NADK: variants seen among roughly 807,000 people sequenced by gnomAD.
The protein encoded by NADK is NAD kinase.
In NADK, 22 loss-of-function variants were observed where a neutral mutation model predicts 49.8. That is an observed-to-expected ratio of 0.44 (90% CI 0.32 to 0.63). The LOEUF is 0.63. Among genes scored for constraint, NADK ranks in the 30% least tolerant of loss-of-function variants. The pLI, the probability that NADK is intolerant of heterozygous loss-of-function variation, is 0.06. For missense variants in NADK, 438 were observed against 609.4 expected, an observed-to-expected ratio of 0.72 and a Z score of 2.96; for synonymous variants, 268 against 253.7, an observed-to-expected ratio of 1.06 and a Z score of -0.54.
intron 1 of NADK, among the ~76,000 whole-genome samples, chr1:1,775,481 AG>A (rs1646185645): frequency 6.6e-6 from 1 of 152,254 alleles, no homozygotes; most frequent in African/African-American, 2.4e-5. Flanking sequence ...GCACACTGGC[AG>A]TATACAAACT....
chr1:1,775,672 C>T (rs909129755), intron 1 of NADK, among the ~76,000 whole-genome samples: 8 of 152,324 alleles, frequency 5.3e-5, no homozygotes, highest in African/African-American at 1.9e-4. Flanking sequence ...GGCCAGGCAT[C>T]ACCTCCCTCT....
chr1:1,778,177 G>A lies in NADK; in HGVS notation c.-41+112C>T, dbSNP rs1009239299. The A allele has an allele frequency of 1.3e-5, 2 of 152,274 alleles. No individual in the cohort carries two copies. Among genetic ancestry groups the A allele is most frequent in the African/African-American group, 4.8e-5 (2 of 41,466 alleles). The allele number at this position is 152,274 out of a possible 1,614,324, so 9.4% of individuals were successfully genotyped here. On this transcript the variant is annotated intron_variant, in intron 1 of 11. Coordinates refer to ENST00000341426, the MANE Select transcript of NADK (RefSeq NM_023018.5). This position sits in a 1 kb window ranked among gnomAD's most constrained non-coding sequence, Gnocchi z 4.9. ...CTTCCACGGCCTCCTCAGCAGGCCA[G>A]ATGGGCAGGGCCGGCCTGGTGTCTC...
At chr1:1,759,861 G>A (rs920518107) in intron 3 of NADK, 7 of 1,550,670 alleles carry the variant, frequency 4.5e-6, no homozygotes, top group Non-Finnish European at 6.1e-6. Flanking sequence ...ACTGACGGCT[G>A]GTGAAGGCAG....
At chr1:1,775,025 C>T (rs1001606286) in intron 1 of NADK, among the ~76,000 whole-genome samples, 1 of 152,038 alleles carries the variant, frequency 6.6e-6, no homozygotes, top group Non-Finnish European at 1.5e-5. Flanking sequence ...AGGAGAATCG[C>T]TTGAACCCAG....
At chr1:1,779,667 TTGTGTGTGTG>T (rs34618817), upstream of NADK, among the ~76,000 whole-genome samples, 6 of 148,694 alleles carry the variant, frequency 4.0e-5, no homozygotes, top group South Asian at 1.1e-3. Flanking sequence ...ATATATATAT[TTGTGTGTGTG>T]TGTGTGTGTG....
intron 3 of NADK, chr1:1,759,853 T>A: frequency 6.4e-7 from 1 of 1,550,806 alleles, no homozygotes; most frequent in Non-Finnish European, 8.7e-7. Flanking sequence ...CCCGAGTGAC[T>A]GACGGCTGGT....
At chr1:1,776,235 C>G (rs1246808488) in intron 1 of NADK, among the ~76,000 whole-genome samples, 2 of 152,186 alleles carry the variant, frequency 1.3e-5, no homozygotes, top group African/African-American at 2.4e-5. Flanking sequence ...ATCACGAGCG[C>G]CACTTTCCCC....
At position 1,765,240 on chromosome 1, in the gene NADK, G is replaced by A; in HGVS notation, c.167C>T (p.Thr56Ile). The change falls in exon 2 of 12, where the codon ACC becomes ATC. Residue 56 changes from threonine to isoleucine, a missense_variant. Coordinates refer to ENST00000341426, the MANE Select transcript of NADK (RefSeq NM_023018.5). ...SLSASPALGS[T>I]KEFRRTRSLH... is the part of the protein sequence containing the mutation. Reference sequence around the variant, plus strand: ...CTCCCAGTTGTACCTGAACTCCTTGGTGCTCCCCAGGGCGGGCGAGGCAGA... The same window carrying A: ...CTCCCAGTTGTACCTGAACTCCTTGATGCTCCCCAGGGCGGGCGAGGCAGA... 6.2e-7 allele frequency: 1 copy of A among 1,603,512 alleles called. No homozygotes were observed. The highest frequency in any genetic ancestry group is 8.5e-7 in the Non-Finnish European group (1 of 1,175,706).
In NADK at chr1:1,754,887, T is replaced by C. The variant is rs1645461539; in HGVS notation, c.689-189A>G. 2 of 577,644 alleles carry C rather than the reference T, an allele frequency of 3.5e-6. No homozygotes were observed. The highest frequency in any genetic ancestry group is 3.8e-5 in the African/African-American group (2 of 52,490). 35.8% of individuals were successfully genotyped at this position (577,644 alleles called of 1,614,324 possible). On this transcript the variant is annotated intron_variant, in intron 7 of 11. Coordinates refer to ENST00000341426, the MANE Select transcript of NADK (RefSeq NM_023018.5). This position sits in a 1 kb window ranked among gnomAD's most constrained non-coding sequence, Gnocchi z 4.3. ...CCCAGGCTGGAATGCAGTGGTGTGA[T>C]CTTGGCTCACTGCAACCTCTGCCTC...
At chr1:1,767,050 G>T (rs1160244970) in intron 1 of NADK, among the ~76,000 whole-genome samples, 1 of 152,162 alleles carries the variant, frequency 6.6e-6, no homozygotes, top group Non-Finnish European at 1.5e-5. Flanking sequence ...TAGCAGCTGG[G>T]ACTACAGGCG....
At position 1,757,192 on chromosome 1, in the gene NADK, G is replaced by A. The variant is rs755975349; in HGVS notation, c.382C>T (p.His128Tyr). 1.2e-6 allele frequency: 2 copies of A among 1,608,314 alleles called. No homozygotes were observed. Among genetic ancestry groups the A allele is most frequent in the South Asian group, 1.1e-5 (1 of 90,880 alleles). Residue 128 changes from histidine to tyrosine, a missense_variant, in exon 4 of 12, where the codon CAC (histidine) becomes TAC (tyrosine). Coordinates refer to ENST00000341426, the MANE Select transcript of NADK (RefSeq NM_023018.5). Reference sequence around the variant, plus strand: ...CCTGCCCCGCGTGCCTCCATGAGGTGCGTGCAGAGCTCCTTGAACGGCTGC... The same window carrying A: ...CCTGCCCCGCGTGCCTCCATGAGGTACGTGCAGAGCTCCTTGAACGGCTGC... The part of the protein sequence containing the change: ...LLQPFKELCT[H>Y]LMEENMIVYV...
chr1:1,759,032 G>C, intron 3 of NADK: 1 of 1,446,660 alleles, frequency 6.9e-7, no homozygotes, highest in Non-Finnish European at 9.2e-7. Context: ...CCTCCGGCCT[G>C]GTCAGCCAGC....
At position 1,754,762 on chromosome 1, in the gene NADK, C is replaced by G. The variant is rs1261589624; in HGVS notation, c.689-64G>C. ...AGTCAGTGGGGTCAGGGGCCCCACC[C>G]CAGGGAGGCCAGTGGGAGTCAGAGG... On this transcript the variant is annotated intron_variant, in intron 7 of 11. Coordinates refer to ENST00000341426, the MANE Select transcript of NADK (RefSeq NM_023018.5). This position sits in a 1 kb window ranked among gnomAD's most constrained non-coding sequence, Gnocchi z 4.3. 20 of 1,475,226 alleles carry G rather than the reference C, an allele frequency of 1.4e-5. No homozygotes were observed. In the South Asian group the frequency reaches 2.2e-4, roughly 17 times the overall value. The allele number at this position is 1,475,226 out of a possible 1,614,324, so 91.4% of individuals were successfully genotyped here.
chr1:1,765,409 T>C lies in NADK; in HGVS notation c.-3A>G, dbSNP rs372517185. 8.2e-6 allele frequency: 13 copies of C among 1,577,352 alleles called. No individual in the cohort carries two copies. Among genetic ancestry groups the C allele is most frequent in the Admixed American group, 5.3e-5 (3 of 56,618 alleles). ...ATTTTTTCTTGTTCCATTTCCATTGTCAGGAAATGAGAACTTCGGTCAGAA... is the reference window on the plus strand; with the variant it reads ...ATTTTTTCTTGTTCCATTTCCATTGCCAGGAAATGAGAACTTCGGTCAGAA... On this transcript the variant is annotated 5_prime_UTR_variant, in exon 2 of 12. Transcript: ENST00000341426.
intron 1 of NADK, among the ~76,000 whole-genome samples, chr1:1,771,204 T>C (rs1646043920): frequency 6.6e-6 from 1 of 151,380 alleles, no homozygotes. Flanking sequence ...ATGTCAGAAC[T>C]GCACACTGAA....
intron 4 of NADK, 36 bp from the exon 5 acceptor site, chr1:1,756,644 C>G: frequency 6.2e-7 from 1 of 1,613,470 alleles, no homozygotes. Context: ...ATTCCACCTG[C>G]AGACCCCACC....
At chr1:1,759,023 C>T (rs1458502173) in intron 3 of NADK, 5 of 1,440,356 alleles carry the variant, frequency 3.5e-6, no homozygotes, top group African/African-American at 1.4e-5. Context: ...GCTCACGGTC[C>T]TCCGGCCTGG....
intron 1 of NADK, among the ~76,000 whole-genome samples, chr1:1,766,123 T>C (rs966536725): frequency 1.3e-5 from 2 of 151,326 alleles, no homozygotes; most frequent in African/African-American, 2.4e-5. Flanking sequence ...TAGCCGGGCA[T>C]GGTAGCCCAT....
At chr1:1,767,524 C>T (rs1331136972) in intron 1 of NADK, among the ~76,000 whole-genome samples, 1 of 152,086 alleles carries the variant, frequency 6.6e-6, no homozygotes, top group Non-Finnish European at 1.5e-5. Context: ...TGCACAGAAA[C>T]AATAAAAATC....
Sources: gnomAD v4.1 joint callset for allele counts (sites outside exome capture counted in the v4.1 genomes callset) on GRCh38, gnomAD v4.1.1 for gene constraint, Gnocchi (gnomAD v3.1) non-coding constraint, MANE v1.5 for transcripts, NCBI Gene and HGNC (gene_info 2026-07-23, HGNC 2026-07-21) for gene names.